Variants in WDPCP observed in about 807,000 individuals in gnomAD.
WDPCP encodes the protein WD repeat containing planar cell polarity effector, also known as WD repeat-containing and planar cell polarity effector protein fritz homolog.
In WDPCP, 71 loss-of-function variants were observed where a neutral mutation model predicts 93.1. The ratio of observed to expected loss-of-function variants is 0.76; its 90% CI spans 0.63 to 0.93. The LOEUF is 0.93. WDPCP is among the 40% of genes least tolerant of loss of function. The pLI, the probability that WDPCP is intolerant of heterozygous loss-of-function variation, is 0.00. For synonymous variants in WDPCP, 315 were observed against 315.0 expected, an observed-to-expected ratio of 1.00 and a Z score of 0.00; for missense variants, 844 against 887.4, an observed-to-expected ratio of 0.95 and a Z score of 0.62.
At chr2:63,497,807 T>C (rs556989211) in intron 1 of WDPCP, among the ~76,000 whole-genome samples, 1 of 152,342 alleles carries the variant, frequency 6.6e-6, no homozygotes, top group South Asian at 2.1e-4. Flanking sequence ...TATTCAAATA[T>C]TGTATTCATG....
chr2:63,338,617 T>G, intron 12 of WDPCP, among the ~76,000 whole-genome samples: 1 of 122,436 alleles, frequency 8.2e-6, no homozygotes, highest in Non-Finnish European at 1.8e-5. Flanking sequence ...TATATATATA[T>G]GGATAATTAG....
At chr2:63,569,713 T>C (rs997489031) in intron 1 of WDPCP, among the ~76,000 whole-genome samples, 17 of 152,168 alleles carry the variant, frequency 1.1e-4, no homozygotes, top group African/African-American at 4.1e-4. Context: ...CAGAATCAAG[T>C]AGCCAGTTAA....
intron 6 of WDPCP, among the ~76,000 whole-genome samples, chr2:63,449,831 C>T (rs115300950): frequency 3.7e-4 from 57 of 152,278 alleles, no homozygotes; most frequent in African/African-American, 1.3e-3. Flanking sequence ...GGACTGCATC[C>T]TGCCCTGAAA....
intron 3 of WDPCP, among the ~76,000 whole-genome samples, chr2:63,596,626 G>T (rs1709316589): frequency 6.6e-6 from 1 of 152,156 alleles, no homozygotes; most frequent in Admixed American, 6.5e-5. Flanking sequence ...TCCAACTGGT[G>T]TTCCTGTCTA....
chr2:63,174,767 G>A lies in WDPCP; in HGVS notation c.1981C>T (p.Pro661Ser), dbSNP rs369075461. 3 of 1,613,818 alleles carry A rather than the reference G, an allele frequency of 1.9e-6. No individual in the cohort carries two copies. Among genetic ancestry groups the A allele is most frequent in the African/African-American group, 2.7e-5 (2 of 74,882 alleles). ...TCTGGAAATGAGTCTTCTCCTTGAG[G>A]TGCTAAAGACAGGCCAATAAATGCT... ...NEAFIGLSLA[P>S]QGEDSFPDNL... Residue 661 changes from proline to serine, a missense_variant, in exon 15 of 18, where the codon CCT becomes TCT. Transcript: ENST00000272321.
intron 12 of WDPCP, among the ~76,000 whole-genome samples, chr2:63,317,423 A>AAG (rs397829051): frequency 1.3e-4 from 20 of 151,154 alleles, no homozygotes; most frequent in Non-Finnish European, 2.1e-4. Flanking sequence ...AAAAAAAAAA[A>AAG]TTATATGGAA....
At chr2:63,555,109 G>A (rs1035357271) in intron 1 of WDPCP, among the ~76,000 whole-genome samples, 1 of 152,228 alleles carries the variant, frequency 6.6e-6, no homozygotes, top group African/African-American at 2.4e-5. Context: ...GGAGAGGGGC[G>A]GCAGCCATCA....
intron 13 of WDPCP, among the ~76,000 whole-genome samples, chr2:63,288,745 A>T (rs1684194746): frequency 6.6e-6 from 1 of 152,230 alleles, no homozygotes; most frequent in African/African-American, 2.4e-5. Flanking sequence ...CAGTTGTTCA[A>T]ATAATGTCCT....
rs547563189 is a variant in WDPCP, at chr2:63,753,333, G to A, written n.308+60289C>T. On this transcript the variant is annotated intron_variant and non_coding_transcript_variant, in intron 2 of 4. Coordinates refer to the WDPCP transcript ENST00000467687. ...AATCCCAGTTACTCAGGAGGCTGAGGTGGAAGGATCACTTGAACCCAGGAG... is the reference window on the plus strand; with the variant it reads ...AATCCCAGTTACTCAGGAGGCTGAGATGGAAGGATCACTTGAACCCAGGAG... Among the ~76,000 whole-genome samples, 10 of 152,264 alleles carry A rather than the reference G, an allele frequency of 6.6e-5. No homozygotes were observed. In the East Asian group the frequency reaches 1.4e-3, roughly 21 times the overall value.
chr2:63,708,801 A>G (rs1185686344), intron 2 of WDPCP, among the ~76,000 whole-genome samples: 2 of 151,874 alleles, frequency 1.3e-5, no homozygotes, highest in African/African-American at 4.8e-5. Context: ...TAGTACAGAC[A>G]GGGTTTCATC....
At chr2:63,313,720 A>G (rs1296277301) in intron 12 of WDPCP, among the ~76,000 whole-genome samples, 2 of 151,878 alleles carry the variant, frequency 1.3e-5, no homozygotes, top group African/African-American at 4.8e-5. Flanking sequence ...TTCATTATAT[A>G]TTCAGTGGAG....
chr2:63,128,629 AAC>A (rs1225415549), intron 17 of WDPCP, among the ~76,000 whole-genome samples: 2 of 152,316 alleles, frequency 1.3e-5, no homozygotes, highest in African/African-American at 4.8e-5. Flanking sequence ...CTCAATAAAT[AAC>A]AATTTCCCAT....
At chr2:63,771,438 CTT>C (rs1670225293) in intron 2 of WDPCP, among the ~76,000 whole-genome samples, 1 of 151,974 alleles carries the variant, frequency 6.6e-6, no homozygotes, top group African/African-American at 2.4e-5. Context: ...GCCCAGATGA[CTT>C]TGTCAGTGAA....
At chr2:63,477,622 C>T (rs1172610802) in intron 6 of WDPCP, among the ~76,000 whole-genome samples, 1 of 152,056 alleles carries the variant, frequency 6.6e-6, no homozygotes, top group Non-Finnish European at 1.5e-5. Context: ...ACCACAGGAA[C>T]TTAACAGAAA....
At chr2:63,760,069 G>C (rs1390264805) in intron 2 of WDPCP, among the ~76,000 whole-genome samples, 1 of 152,198 alleles carries the variant, frequency 6.6e-6, no homozygotes, top group Non-Finnish European at 1.5e-5. Context: ...GAAGGTGGTG[G>C]GAGGCAGGAC....
chr2:63,162,336 T>A (rs1456354999), intron 15 of WDPCP, among the ~76,000 whole-genome samples: 1 of 152,226 alleles, frequency 6.6e-6, no homozygotes, highest in Non-Finnish European at 1.5e-5. Flanking sequence ...ATTTCTCTTT[T>A]TAATTGGTCT....
chr2:63,192,021 C>T (rs1485780588), intron 14 of WDPCP, among the ~76,000 whole-genome samples: 1 of 152,156 alleles, frequency 6.6e-6, no homozygotes, highest in East Asian at 1.9e-4. Context: ...AAAAAATTTG[C>T]TCAGCCTTGA....
chr2:63,298,278 G>A (rs531985518), intron 13 of WDPCP, among the ~76,000 whole-genome samples: 23 of 152,116 alleles, frequency 1.5e-4, no homozygotes, highest in Admixed American at 2.0e-4. Context: ...TGAAGGGATC[G>A]GTTACATTGC....
intron 12 of WDPCP, among the ~76,000 whole-genome samples, chr2:63,331,573 T>A (rs1235382335): frequency 6.6e-6 from 1 of 152,122 alleles, no homozygotes; most frequent in Non-Finnish European, 1.5e-5. Flanking sequence ...GTGCAAGGGG[T>A]TTAGATGAAT....
Sources: gnomAD v4.1 joint callset for allele counts (sites outside exome capture counted in the v4.1 genomes callset) on GRCh38, gnomAD v4.1.1 for gene constraint, MANE v1.5 for transcripts, NCBI Gene and HGNC (gene_info 2026-07-23, HGNC 2026-07-21) for gene names.